CTNND2: variants seen among roughly 807,000 people sequenced by gnomAD.
The protein encoded by CTNND2 is catenin delta-2.
In CTNND2, 22 loss-of-function variants were observed where a neutral mutation model predicts 144.4. The observed-to-expected ratio is 0.15, with a 90% CI of 0.11 to 0.22. The LOEUF is 0.22. Ranked by LOEUF, CTNND2 falls within the 10% of genes least tolerant of loss-of-function variation. The pLI, the probability that CTNND2 is intolerant of heterozygous loss-of-function variation, is 1.00. For synonymous variants in CTNND2, 751 were observed against 695.6 expected (o/e 1.08, Z -1.25); for missense variants, 1,353 against 1,618.8 (o/e 0.84, Z 2.82).
intron 1 of CTNND2, among the ~76,000 whole-genome samples, chr5:11,751,937 T>G (rs1788647066): frequency 6.6e-6 from 1 of 151,934 alleles, no homozygotes; most frequent in Admixed American, 6.6e-5. Context: ...CTCTCTGTGG[T>G]TTTGATTTGC....
At chr5:11,000,350 G>A (rs539508213) in intron 18 of CTNND2, among the ~76,000 whole-genome samples, 2 of 152,120 alleles carry the variant, frequency 1.3e-5, no homozygotes, top group Non-Finnish European at 2.9e-5. Context: ...GTGAAACCCC[G>A]TCTCTACTAA....
chr5:11,612,120 A>C (rs1239711371), intron 2 of CTNND2, among the ~76,000 whole-genome samples: 5 of 152,184 alleles, frequency 3.3e-5, no homozygotes, highest in African/African-American at 1.2e-4. Context: ...AAAACTAACA[A>C]TGTATATATA....
chr5:11,188,493 C>T (rs1485101537), intron 11 of CTNND2, among the ~76,000 whole-genome samples: 2 of 152,202 alleles, frequency 1.3e-5, no homozygotes, highest in Non-Finnish European at 2.9e-5. Context: ...GGAAAAATAG[C>T]TAATGCATGC....
Position 11,555,602 on chromosome 5 carries a change from T to C in CTNND2, c.287+9342A>G, listed in dbSNP as rs528644393. 6.6e-5 allele frequency among the ~76,000 whole-genome samples: 10 copies of C among 152,210 alleles called. No homozygotes were observed. In the South Asian group the frequency reaches 8.3e-4, roughly 13 times the overall value. On this transcript the variant is annotated intron_variant, in intron 3 of 21. Transcript: ENST00000304623. ...AATCTTGAGGACCCAAAAAGTATTT[T>C]AGAATATCCCTCCTGCTTTATGAGG...
At chr5:11,395,004 A>G (rs976347741) in intron 6 of CTNND2, among the ~76,000 whole-genome samples, 2 of 152,230 alleles carry the variant, frequency 1.3e-5, no homozygotes, top group Non-Finnish European at 2.9e-5. Context: ...GCCTTGTGGC[A>G]ATTTATTATT....
chr5:11,774,952 C>T (rs1790169181), intron 1 of CTNND2, among the ~76,000 whole-genome samples: 2 of 152,280 alleles, frequency 1.3e-5, no homozygotes, highest in Admixed American at 6.5e-5. Context: ...CTTCTCACTT[C>T]TTACATCCAA....
At chr5:11,731,314 C>T (rs536097739) in intron 2 of CTNND2, among the ~76,000 whole-genome samples, 10 of 152,270 alleles carry the variant, frequency 6.6e-5, no homozygotes, top group Non-Finnish European at 1.3e-4. Flanking sequence ...TTTTGAATAG[C>T]GTTACTATTC....
rs1394962748 is a variant in CTNND2, at chr5:11,631,043, T to C, written c.175-65987A>G. ...ACTCTTCAGATTGTCCTTCACTAAA[T>C]AGAGAGATCAATTTTGATGTAGTAA... On this transcript the variant is annotated intron_variant, in intron 2 of 21. Transcript: ENST00000304623. Among the ~76,000 whole-genome samples, 6 of 152,046 alleles carry C rather than the reference T, an allele frequency of 3.9e-5. No individual in the cohort carries two copies. The South Asian group carries it at 6.2e-4, about 16-fold the overall frequency.
chr5:11,352,940 T>C (rs534751617), intron 8 of CTNND2, among the ~76,000 whole-genome samples: 1 of 152,186 alleles, frequency 6.6e-6, no homozygotes, highest in Admixed American at 6.5e-5. Context: ...TGTTTAATCC[T>C]ACATATGTAT....
chr5:11,809,378 G>A (rs56229406), intron 1 of CTNND2, among the ~76,000 whole-genome samples: 15,159 of 152,040 alleles, frequency 0.1, 1,789 homozygotes, highest in African/African-American at 0.28. Context: ...TACATTGGTG[G>A]GATTCTAACT....
intron 16 of CTNND2, among the ~76,000 whole-genome samples, chr5:11,062,479 C>T (rs768350114): frequency 6.6e-6 from 1 of 152,226 alleles, no homozygotes; most frequent in Non-Finnish European, 1.5e-5. Context: ...ACACAGTTGG[C>T]TGCTTTTCTC....
chr5:11,129,165 T>C (rs1436222392), intron 12 of CTNND2, among the ~76,000 whole-genome samples: 2 of 20,956 alleles, frequency 9.5e-5, no homozygotes, highest in African/African-American at 3.0e-4. Flanking sequence ...ACATATATTA[T>C]ATATTATATA....
intron 3 of CTNND2, among the ~76,000 whole-genome samples, chr5:11,541,169 T>C (rs1000817104): frequency 6.6e-6 from 1 of 152,224 alleles, no homozygotes; most frequent in Non-Finnish European, 1.5e-5. Flanking sequence ...CCAAGAGCTG[T>C]AGACCCCTAG....
intron 3 of CTNND2, among the ~76,000 whole-genome samples, chr5:11,495,984 A>G (rs571007549): frequency 7.2e-5 from 11 of 152,250 alleles, no homozygotes; most frequent in African/African-American, 2.6e-4. Flanking sequence ...TGATGTTGTT[A>G]TAATTCTTCT....
rs533630439 is a variant in CTNND2, at chr5:11,547,544, T to C, written c.287+17400A>G. On this transcript the variant is annotated intron_variant, in intron 3 of 21. Coordinates refer to ENST00000304623, the MANE Select transcript of CTNND2 (RefSeq NM_001332.4). ...CAACTAACAGATTAGTATTCAAATA[T>C]ATTCAGAATTAAAATAACTAAAATA... Among the ~76,000 whole-genome samples, 9 of 152,134 alleles carry C rather than the reference T, an allele frequency of 5.9e-5. No homozygotes were observed. The South Asian group carries it at 1.9e-3, about 32-fold the overall frequency.
intron 12 of CTNND2, among the ~76,000 whole-genome samples, chr5:11,123,774 C>T (rs1754376753): frequency 6.6e-6 from 1 of 152,222 alleles, no homozygotes; most frequent in South Asian, 2.1e-4. Context: ...AGAACCACGG[C>T]CTTAGCCCAC....
intron 3 of CTNND2, among the ~76,000 whole-genome samples, chr5:11,504,086 C>T (rs1176114819): frequency 6.6e-6 from 1 of 152,132 alleles, no homozygotes; most frequent in Non-Finnish European, 1.5e-5. Context: ...TATTTATCAC[C>T]GACATTCTCT....
At position 11,384,759 on chromosome 5, in the gene CTNND2, G is replaced by T; in HGVS notation, c.1083C>A (p.Pro361=). The T allele has an allele frequency of 6.2e-7, 1 of 1,613,006 alleles. No homozygotes were observed. The highest frequency in any genetic ancestry group is 8.5e-7 in the Non-Finnish European group (1 of 1,179,656). Residue 361 remains proline, a synonymous_variant, in exon 7 of 22, where the codon CCC becomes CCA. Transcript: ENST00000304623. This position sits in a 1 kb window ranked among gnomAD's most constrained non-coding sequence, Gnocchi z 5.2. Reference sequence around the variant, plus strand: ...CGGACGCGTGGACCAGGCGCTTGGTGGGCGACAGGGTGGCGTACGTGCCGA... The same window carrying T: ...CGGACGCGTGGACCAGGCGCTTGGTTGGCGACAGGGTGGCGTACGTGCCGA... The part of the protein sequence containing the change: ...STIGTYATLS[P]TKRLVHASEQ...
chr5:11,116,238 G>T (rs944071387), intron 13 of CTNND2, among the ~76,000 whole-genome samples: 3 of 152,160 alleles, frequency 2.0e-5, no homozygotes, highest in Non-Finnish European at 4.4e-5. Flanking sequence ...CATAACCAGG[G>T]CCAATTTTGC....
Sources: gnomAD v4.1 joint callset for allele counts (sites outside exome capture counted in the v4.1 genomes callset) on GRCh38, gnomAD v4.1.1 for gene constraint, Gnocchi (gnomAD v3.1) non-coding constraint, MANE v1.5 for transcripts, NCBI Gene and HGNC (gene_info 2026-07-23, HGNC 2026-07-21) for gene names.